The following C4BPA variants were observed in gnomAD, a reference collection of about 807,000 sequenced individuals.
C4BPA encodes the protein complement component 4 binding protein alpha, also known as C4b-binding protein alpha chain.
Under a neutral mutation model 63.7 loss-of-function variants are expected in C4BPA, and 31 were observed. The ratio of observed to expected loss-of-function variants is 0.49; its 90% confidence interval spans 0.37 to 0.66. The LOEUF (loss-of-function observed/expected upper bound fraction) is 0.66, where lower values mean the gene tolerates loss of function less well. Ranked by LOEUF, C4BPA falls within the 30% of genes least tolerant of loss-of-function variation. The pLI, the probability that C4BPA is intolerant of heterozygous loss-of-function variation, is 0.00. For missense variants in C4BPA, 572 were observed against 723.3 expected, an observed-to-expected ratio of 0.79 and a Z score of 2.40; for synonymous variants, 259 against 254.7, an observed-to-expected ratio of 1.02 and a Z score of -0.16.
intron 1 of C4BPA, among the ~76,000 whole-genome samples, chr1:207,110,778 G>C (rs1333742217): frequency 6.6e-6 from 1 of 152,008 alleles, no homozygotes; most frequent in African/African-American, 2.4e-5. Flanking sequence ...TTAATCTTAT[G>C]GTTGTATTTT....
intron 9 of C4BPA, among the ~76,000 whole-genome samples, chr1:207,135,197 G>A (rs1685253826): frequency 6.6e-6 from 1 of 152,136 alleles, no homozygotes. Context: ...AATTAGCCAG[G>A]CATGGTGGCG....
At chr1:207,111,460 G>A (rs1399749877) in intron 1 of C4BPA, among the ~76,000 whole-genome samples, 1 of 152,224 alleles carries the variant, frequency 6.6e-6, no homozygotes, top group Non-Finnish European at 1.5e-5. Flanking sequence ...TCCCACAGCT[G>A]ACAACAGGTG....
rs533965983 is a variant in C4BPA, at chr1:207,106,168, G to A, written c.-26+1738G>A. Among the ~76,000 whole-genome samples, 12 of 152,190 alleles carry A rather than the reference G, an allele frequency of 7.9e-5. No homozygotes were observed. The South Asian group carries it at 2.5e-3, about 32-fold the overall frequency. ...CTAGCCTCCATTCCCATACTCTGTGGCCAGCTGGTTTCTGCTGAGGGACCA... is the reference window on the plus strand; with the variant it reads ...CTAGCCTCCATTCCCATACTCTGTGACCAGCTGGTTTCTGCTGAGGGACCA... On this transcript the variant is annotated intron_variant, in intron 1 of 11. Transcript: ENST00000367070.
chr1:207,143,986 G>A lies in C4BPA; in HGVS notation c.1613G>A (p.Cys538Tyr). 1 of 1,574,974 alleles carries A rather than the reference G, an allele frequency of 6.3e-7. No individual in the cohort carries two copies. The part of the protein sequence containing the change: ...NRTWYPEVPK[C>Y]EWETPEGCEQ... ...ACCTGGTACCCAGAGGTGCCCAAGT[G>A]TGAGTGGGTAAGTGGCACAATTCAA... The change falls in exon 11 of 12, where the codon TGT becomes TAT. Residue 538 changes from cysteine (C) to tyrosine (Y), a missense_variant. By Grantham distance (194) the Cys-to-Tyr change is radical. This residue lies in a region of C4BPA where 465 missense variants were observed against 629.4 expected (regional missense o/e 0.74). Transcript: ENST00000367070.
In C4BPA at chr1:207,143,971, C is replaced by T. The variant is rs1167272527; in HGVS notation, c.1598C>T (p.Pro533Leu). 1 of 1,591,752 alleles carries T rather than the reference C, an allele frequency of 6.3e-7. No individual in the cohort carries two copies. The highest frequency in any genetic ancestry group is 8.5e-7 in the Non-Finnish European group (1 of 1,170,658). Residue 533 changes from proline (P) to leucine (L), a missense_variant, in exon 11 of 12, where the codon CCA (proline) becomes CTA (leucine). Physicochemically the swap from Pro to Leu is moderately conservative, Grantham distance 98. Coordinates refer to ENST00000367070, the MANE Select transcript of C4BPA (RefSeq NM_000715.4). ...ITCSGNRTWY[P>L]EVPKCEWETP... Reference sequence around the variant, plus strand: ...TGCTCTGGGAACAGAACCTGGTACCCAGAGGTGCCCAAGTGTGAGTGGGTA... The same window carrying T: ...TGCTCTGGGAACAGAACCTGGTACCTAGAGGTGCCCAAGTGTGAGTGGGTA...
chr1:207,131,516 T>C (rs1375992532), intron 7 of C4BPA, 30 bp from the exon 8 acceptor site: 1 of 1,521,700 alleles, frequency 6.6e-7, no homozygotes. Flanking sequence ...TAGCGTCCTT[T>C]TGTTCTTCTT....
At chr1:207,109,243 G>T (rs912593869) in intron 1 of C4BPA, among the ~76,000 whole-genome samples, 1 of 152,174 alleles carries the variant, frequency 6.6e-6, no homozygotes, top group Non-Finnish European at 1.5e-5. Flanking sequence ...CTGCACTGGG[G>T]TGTAATTAAA....
rs138192969 is a variant in C4BPA at position 207,116,990 on chromosome 1, C to T, written c.428+1475C>T. On this transcript the variant is annotated intron_variant, in intron 4 of 11. Coordinates refer to ENST00000367070, the MANE Select transcript of C4BPA (RefSeq NM_000715.4). ...TTCCTGTACATTTATGTATGCGTTT[C>T]ACAGTCATTTAATAATTGAAGCTTT... 1.2e-3 allele frequency among the ~76,000 whole-genome samples: 189 copies of T among 152,258 alleles called. 2 individuals carry two copies. The highest frequency in any genetic ancestry group is 4.3e-3 in the African/African-American group (178 of 41,560).
rs1315865005 is a variant in C4BPA at position 207,136,206 on chromosome 1, T to A, written c.1273+1614T>A. On this transcript the variant is annotated intron_variant, in intron 9 of 11. Transcript: ENST00000367070. ...GTGAGCCTTGGTGAGTGGGAGCCCATGCTGTTGGGCCCATGCTTGTCTTCC... is the reference window on the plus strand; with the variant it reads ...GTGAGCCTTGGTGAGTGGGAGCCCAAGCTGTTGGGCCCATGCTTGTCTTCC... Among the ~76,000 whole-genome samples the A allele has an allele frequency of 2.6e-5, 4 of 152,352 alleles. No individual in the cohort carries two copies. In the East Asian group the frequency reaches 7.7e-4, roughly 29 times the overall value.
chr1:207,144,773 A>G lies in C4BPA; in HGVS notation c.*56A>G. 8.3e-7 allele frequency: 1 copy of G among 1,206,916 alleles called. No individual in the cohort carries two copies. Among genetic ancestry groups the G allele is most frequent in the Non-Finnish European group, 1.1e-6 (1 of 871,414 alleles). 74.8% of individuals were successfully genotyped at this position (1,206,916 alleles called of 1,614,324 possible). A position where few individuals can be genotyped will look rare whatever the true frequency, so the allele number is the denominator to read the frequency against. On this transcript the variant is annotated 3_prime_UTR_variant, in exon 12 of 12. Coordinates refer to ENST00000367070, the MANE Select transcript of C4BPA (RefSeq NM_000715.4). ...TTGCTGGCTTGCCTCTTGCAATTCA[A>G]TACAGATCAGTTTAGCAAATCTACT...
In C4BPA at chr1:207,114,165, C is replaced by G. The variant is rs1192299393; in HGVS notation, c.208C>G (p.Arg70Gly). The change falls in exon 3 of 12, where the codon CGC (arginine) becomes GGC (glycine). Residue 70 changes from arginine (R) to glycine (G), a missense_variant. Physicochemically the swap from Arg to Gly is moderately radical, Grantham distance 125. This residue lies in a region of C4BPA where 107 missense variants were observed against 93.9 expected (regional missense o/e 1.14). Transcript: ENST00000367070. ...GATGGATATTACGTTGACTGAGACA[C>G]GCTTCAAAACTGGAACTACTCTGAA... Reference protein sequence around the residue: ...APMDITLTETRFKTGTTLKYT... With the variant: ...APMDITLTETGFKTGTTLKYT... The G allele has an allele frequency of 3.7e-6, 6 of 1,613,634 alleles. No homozygotes were observed. The highest frequency in any genetic ancestry group is 5.1e-6 in the Non-Finnish European group (6 of 1,179,784).
Position 207,143,825 on chromosome 1 carries a change from T to C in C4BPA, c.1452T>C (p.Cys484=). 2 of 1,611,402 alleles carry C rather than the reference T, an allele frequency of 1.2e-6. No individual in the cohort carries two copies. The highest frequency in any genetic ancestry group is 1.7e-6 in the Non-Finnish European group (2 of 1,177,774). ...AATATGTTTCCATTACAGCTCTGTGTCGGAAACCAGAATTAGTGAATGGAA... is the reference window on the plus strand; with the variant it reads ...AATATGTTTCCATTACAGCTCTGTGCCGGAAACCAGAATTAGTGAATGGAA... ...SAPAPQCKAL[C]RKPELVNGRL... Residue 484 remains cysteine (C), a synonymous_variant, in exon 11 of 12, where the codon TGT becomes TGC. Transcript: ENST00000367070.
chr1:207,113,966 G>T (rs1429987066), intron 2 of C4BPA, 134 bp from the exon 3 acceptor site: 1 of 676,566 alleles, frequency 1.5e-6, no homozygotes, highest in Non-Finnish European at 2.6e-6. Flanking sequence ...AGTATAATAG[G>T]AGTTATGATT....
At chr1:207,136,425 A>G (rs1309293761) in intron 9 of C4BPA, among the ~76,000 whole-genome samples, 1 of 152,170 alleles carries the variant, frequency 6.6e-6, no homozygotes, top group Non-Finnish European at 1.5e-5. Context: ...TCATATGTCC[A>G]CTTACCTGCT....
chr1:207,116,726 C>A (rs1289955494), intron 4 of C4BPA, among the ~76,000 whole-genome samples: 2 of 151,968 alleles, frequency 1.3e-5, no homozygotes, highest in Admixed American at 6.6e-5. Flanking sequence ...ATTTCCTCTA[C>A]TTCTTTTATA....
intron 6 of C4BPA, among the ~76,000 whole-genome samples, chr1:207,124,805 T>G (rs978942625): frequency 6.6e-6 from 1 of 152,208 alleles, no homozygotes; most frequent in Non-Finnish European, 1.5e-5. Flanking sequence ...AAAGGCCAAT[T>G]GTGTCCTGGC....
chr1:207,136,998 C>T (rs1685292445), intron 9 of C4BPA, among the ~76,000 whole-genome samples: 2 of 152,216 alleles, frequency 1.3e-5, no homozygotes, highest in Non-Finnish European at 2.9e-5. Flanking sequence ...ATTTATTGCT[C>T]CTAGCCAAAT....
At chr1:207,112,640 T>C (rs1460692527) in intron 1 of C4BPA, among the ~76,000 whole-genome samples, 1 of 152,212 alleles carries the variant, frequency 6.6e-6, no homozygotes, top group Non-Finnish European at 1.5e-5. Context: ...CAGACACATC[T>C]GTAAACTGTC....
intron 4 of C4BPA, among the ~76,000 whole-genome samples, chr1:207,123,587 C>G (rs1405194799): frequency 2.0e-5 from 3 of 152,162 alleles, no homozygotes; most frequent in African/African-American, 7.2e-5. Context: ...AGATTGTGGA[C>G]TCAGTAATCT....
Sources: gnomAD v4.1 joint callset for allele counts (sites outside exome capture counted in the v4.1 genomes callset) on GRCh38, gnomAD v4.1.1 for gene constraint, gnomAD v4.1.1 regional missense constraint, MANE v1.5 for transcripts, NCBI Gene and HGNC (gene_info 2026-07-23, HGNC 2026-07-21) for gene names.